ZCCHC8: variants seen among roughly 807,000 people sequenced by gnomAD.
The protein encoded by ZCCHC8 is zinc finger CCHC-type containing 8.
Under a neutral mutation model 70.6 loss-of-function variants are expected in ZCCHC8, and 27 were observed. The ratio of observed to expected loss-of-function variants is 0.38; its 90% CI spans 0.28 to 0.53. The LOEUF is 0.53. Among genes scored for constraint, ZCCHC8 ranks in the 20% least tolerant of loss-of-function variants. ZCCHC8 has a pLI of 0.81. For synonymous variants in ZCCHC8, 293 were observed against 317.4 expected, an observed-to-expected ratio of 0.92 and a Z score of 0.82; for missense variants, 737 against 876.9, an observed-to-expected ratio of 0.84 and a Z score of 2.01.
intron 5 of ZCCHC8, among the ~76,000 whole-genome samples, chr12:122,489,007 C>T (rs1036358152): frequency 6.6e-6 from 1 of 152,174 alleles, no homozygotes; most frequent in African/African-American, 2.4e-5. Context: ...GTTTTTCACC[C>T]ACCATTTGAG....
intron 9 of ZCCHC8, 46 bp downstream of exon 9, chr12:122,481,899 G>C (rs1320042416): frequency 5.0e-6 from 8 of 1,588,732 alleles, no homozygotes; most frequent in Non-Finnish European, 6.9e-6. Flanking sequence ...CATTCCAAAT[G>C]CTAGGGAAAT....
In ZCCHC8 at chr12:122,498,783, A is replaced by T; in HGVS notation, c.242+44T>A. The T allele has an allele frequency of 1.9e-6, 3 of 1,572,760 alleles. 1 individual carries two copies. In the South Asian group the frequency reaches 3.4e-5, roughly 18 times the overall value. ...TCTGATTAAATATTAATATCAGGAT[A>T]AATAATAAGGGACAACTATGGAGTA... On this transcript the variant is annotated intron_variant, in intron 2 of 13. Transcript: ENST00000633063.
intron 10 of ZCCHC8, 148 bp from the exon 11 acceptor site, chr12:122,480,459 T>C (rs1426214770): frequency 1.1e-5 from 7 of 643,486 alleles, no homozygotes; most frequent in Non-Finnish European, 1.6e-5. Context: ...TTTTTCTAAA[T>C]CATTAGGACA....
rs1435008221 is a variant in ZCCHC8 at position 122,473,371 on chromosome 12, C to T, written c.*126G>A. On this transcript the variant is annotated 3_prime_UTR_variant, in exon 14 of 14. Coordinates refer to ENST00000633063, the MANE Select transcript of ZCCHC8 (RefSeq NM_017612.5). ...CTTTAAAATAGGCTTGACTTTGGAA[C>T]ATGAACCTTGGATAGATTTTTAAAC... The T allele has an allele frequency of 4.1e-5, 46 of 1,119,138 alleles. No homozygotes were observed. The highest frequency in any genetic ancestry group is 5.2e-5 in the Non-Finnish European group (42 of 802,090). The allele number at this position is 1,119,138 out of a possible 1,614,324, so 69.3% of individuals were successfully genotyped here. A position where few individuals can be genotyped will look rare whatever the true frequency, so the allele number is the denominator to read the frequency against.
chr12:122,487,428 A>G (rs1957661227), intron 5 of ZCCHC8, among the ~76,000 whole-genome samples: 1 of 152,228 alleles, frequency 6.6e-6, no homozygotes, highest in Admixed American at 6.5e-5. Context: ...ATGAAAAACT[A>G]CCTCATTCAA....
chr12:122,474,006 T>C lies in ZCCHC8; in HGVS notation c.1615A>G (p.Ser539Gly), dbSNP rs1452273748. Residue 539 changes from serine to glycine, a missense_variant, in exon 14 of 14, where the codon AGC (serine) becomes GGC (glycine). Transcript: ENST00000633063. ...AALEQAESVN[S>G]DSDVPVDTPL... ...GTGTCCACAGGAACGTCGGAGTCGC[T>C]GTTTACGCTCTCGGCCTGCTCAAGA... 3.8e-6 allele frequency: 6 copies of C among 1,567,530 alleles called. No individual in the cohort carries two copies. The South Asian group carries it at 4.8e-5, about 13-fold the overall frequency.
In ZCCHC8 at chr12:122,490,066, A is replaced by C. The variant is rs1043318823; in HGVS notation, c.423+396T>G. ...TTAAAACATAAATGCGTGATCTAAT[A>C]TTCACATAGTAAAACTTCTCAGATT... is the stretch of plus-strand genomic sequence containing the variant. On this transcript the variant is annotated intron_variant, in intron 4 of 13. Transcript: ENST00000633063. 2.6e-5 allele frequency among the ~76,000 whole-genome samples: 4 copies of C among 151,960 alleles called. No homozygotes were observed. The South Asian group carries it at 8.3e-4, about 32-fold the overall frequency.
chr12:122,498,774 T>C (rs1957870011), intron 2 of ZCCHC8, 53 bp downstream of exon 2: 4 of 1,522,172 alleles, frequency 2.6e-6, no homozygotes, highest in Admixed American at 1.7e-5. Flanking sequence ...TAAATATTAA[T>C]ATCAGGATAA....
Position 122,481,532 on chromosome 12 carries a change from A to G in ZCCHC8, c.1008T>C (p.Tyr336=). The G allele has an allele frequency of 6.2e-7, 1 of 1,612,666 alleles. No homozygotes were observed. The change falls in exon 10 of 14, where the codon TAT becomes TAC. Residue 336 remains tyrosine (Y), a synonymous_variant. Transcript: ENST00000633063. ...AELENSGLAL[Y]DGKDGTDGET... ...CTTAAGATACTATACCTTTTCCATC[A>G]TAGAGTGCAAGCCCCGAATTCTCCA...
chr12:122,493,667 C>CA (rs1957782829), intron 2 of ZCCHC8, among the ~76,000 whole-genome samples: 1 of 152,072 alleles, frequency 6.6e-6, no homozygotes, highest in East Asian at 1.9e-4. Flanking sequence ...GGCTGGAGTG[C>CA]AGTGGTGTGA....
chr12:122,500,708 C>G lies in ZCCHC8; in HGVS notation c.133G>C (p.Gly45Arg), dbSNP rs760226500. Residue 45 changes from glycine to arginine, a missense_variant, in exon 1 of 14, where the codon GGC (glycine) becomes CGC (arginine). By Grantham distance (125) the Gly-to-Arg change is moderately radical. Transcript: ENST00000633063. This position sits in a 1 kb window ranked among gnomAD's most constrained non-coding sequence, Gnocchi z 4.8. ...AGCCGCTCCCGTAGCTCCGCGTCGC[C>G]GACCCCATTTTCGTCCTCCTCGTCG... ...DGDEEDENGV[G>R]DAELRERLRQ... 1.3e-6 allele frequency: 2 copies of G among 1,582,682 alleles called. No individual in the cohort carries two copies. The highest frequency in any genetic ancestry group is 1.8e-5 in the Admixed American group (1 of 55,436).
In ZCCHC8 at chr12:122,483,493, T is replaced by C; in HGVS notation, c.572A>G (p.Asn191Ser). Residue 191 changes from asparagine to serine, a missense_variant, in exon 6 of 14, where the codon AAC becomes AGC. Asn to Ser is a conservative substitution (Grantham distance 46, BLOSUM62 1). Transcript: ENST00000633063. The surrounding 1 kb of genome is among the most constrained non-coding windows in gnomAD (Gnocchi z 4.4). ...TTCCCATCCTTCGGAAAGCTGAGGGTTTTCATTTAGAAGCGGTTGCCCCAA... is the reference window on the plus strand; with the variant it reads ...TTCCCATCCTTCGGAAAGCTGAGGGCTTTCATTTAGAAGCGGTTGCCCCAA... ...DKLGQPLLNE[N>S]PQLSEGWEIP... 6.3e-7 allele frequency: 1 copy of C among 1,595,584 alleles called. No homozygotes were observed. The highest frequency in any genetic ancestry group is 8.5e-7 in the Non-Finnish European group (1 of 1,169,998).
chr12:122,490,286 G>C (rs7311573), intron 4 of ZCCHC8, among the ~76,000 whole-genome samples, 176 bp downstream of exon 4: 92,847 of 151,958 alleles, frequency 0.61, 29,227 homozygotes, highest in African/African-American at 0.75. Context: ...GAGCCACAAG[G>C]TAAAAGAACG....
In ZCCHC8 at chr12:122,471,940, CCA is replaced by C. The variant is rs1389002180; in HGVS notation, c.*1555_*1556del. The C allele has an allele frequency of 2.6e-5, 4 of 152,156 alleles. No homozygotes were observed. The highest frequency in any genetic ancestry group is 4.1e-4 in the South Asian group (2 of 4,824). The allele number at this position is 152,156 out of a possible 1,614,324, so 9.4% of individuals were successfully genotyped here. A position where few individuals can be genotyped will look rare whatever the true frequency, so the allele number is the denominator to read the frequency against. On this transcript the variant is annotated 3_prime_UTR_variant, in exon 14 of 14. Coordinates refer to ENST00000633063, the MANE Select transcript of ZCCHC8 (RefSeq NM_017612.5). ...ATGGCATTCCACAGAAAGACCTAAA[CCA>C]CAGTTTCAGCTCTATCTTATATATA... is the stretch of plus-strand genomic sequence containing the variant.
intron 4 of ZCCHC8, 128 bp from the exon 5 acceptor site, chr12:122,489,591 T>C (rs1448379190): frequency 4.7e-6 from 4 of 848,432 alleles, no homozygotes; most frequent in East Asian, 2.7e-5. Flanking sequence ...GAATGGAAGA[T>C]GTAAAAGGAG....
intron 11 of ZCCHC8, 162 bp from the exon 12 acceptor site, chr12:122,478,454 A>G (rs1957464500): frequency 1.7e-6 from 1 of 605,634 alleles, no homozygotes; most frequent in Admixed American, 3.0e-5. Context: ...GTGTTGAAGG[A>G]AAACTAAACT....
intron 13 of ZCCHC8, among the ~76,000 whole-genome samples, chr12:122,474,772 C>T (rs1362787970): frequency 2.5e-5 from 3 of 121,900 alleles, no homozygotes; most frequent in African/African-American, 7.9e-5. Context: ...TCTTACTCTG[C>T]CACCCAGGCT....
chr12:122,497,698 G>A (rs1334411022), intron 2 of ZCCHC8, among the ~76,000 whole-genome samples: 1 of 152,134 alleles, frequency 6.6e-6, no homozygotes, highest in Non-Finnish European at 1.5e-5. Flanking sequence ...TGAGATACCA[G>A]TAATATCTCT....
At chr12:122,490,066 A>G (rs1043318823) in intron 4 of ZCCHC8, among the ~76,000 whole-genome samples, 33 of 151,960 alleles carry the variant, frequency 2.2e-4, no homozygotes, top group African/African-American at 8.0e-4. Flanking sequence ...GTGATCTAAT[A>G]TTCACATAGT....
Sources: allele counts gnomAD v4.1 joint callset (sites outside exome capture counted in the v4.1 genomes callset), GRCh38; gene constraint gnomAD v4.1.1; non-coding constraint Gnocchi (gnomAD v3.1); transcripts MANE v1.5; gene names NCBI Gene and HGNC (gene_info 2026-07-23, HGNC 2026-07-21).